TERB1: variants seen among roughly 807,000 people sequenced by gnomAD.
TERB1 encodes the protein telomere repeat binding bouquet formation protein 1, also known as telomere repeats-binding bouquet formation protein 1.
Under a neutral mutation model 92.3 loss-of-function variants are expected in TERB1, and 63 were observed. The ratio of observed to expected loss-of-function variants is 0.68; its 90% confidence interval spans 0.56 to 0.84. TERB1 has a LOEUF of 0.84. TERB1 is among the 40% of genes least tolerant of loss of function. The pLI is 0.00. For missense variants in TERB1, 709 were observed against 843.7 expected, an observed-to-expected ratio of 0.84 and a Z score of 1.98; for synonymous variants, 252 against 283.9, an observed-to-expected ratio of 0.89 and a Z score of 1.13.
chr16:66,782,595 A>C (rs2018655644), intron 9 of TERB1, among the ~76,000 whole-genome samples: 2 of 152,002 alleles, frequency 1.3e-5, no homozygotes, highest in South Asian at 4.1e-4. Flanking sequence ...CCTACACCAA[A>C]GCCACGCTTT....
At position 66,772,617 on chromosome 16, in the gene TERB1, A is replaced by G; in HGVS notation, c.1244T>C (p.Ile415Thr). 7 of 1,551,626 alleles carry G rather than the reference A, an allele frequency of 4.5e-6. No homozygotes were observed. Among genetic ancestry groups the G allele is most frequent in the Non-Finnish European group, 6.1e-6 (7 of 1,146,894 alleles). Residue 415 changes from isoleucine (I) to threonine (T), a missense_variant, in exon 13 of 19, where the codon ATA (isoleucine) becomes ACA (threonine). Ile to Thr is a moderately conservative substitution (Grantham distance 89, BLOSUM62 -1). Transcript: ENST00000433154. ...ATTTCCTTCTCTTTCAAGCTGTTCT[A>G]TTCTGTGTAGAATTTCCTTTGCTTT... Reference protein sequence around the residue: ...WRKAKEILHRIEQLEREGNEE... With the variant: ...WRKAKEILHRTEQLEREGNEE...
chr16:66,762,607 C>T (rs2018271068), intron 16 of TERB1, among the ~76,000 whole-genome samples: 1 of 152,016 alleles, frequency 6.6e-6, no homozygotes, highest in Non-Finnish European at 1.5e-5. Flanking sequence ...TGGTCTCAAA[C>T]TCCTGGGCTT....
intron 17 of TERB1, 105 bp from the exon 18 acceptor site, chr16:66,758,943 C>G: frequency 2.1e-6 from 2 of 954,588 alleles, no homozygotes; most frequent in Non-Finnish European, 3.2e-6. Context: ...AGTGGGAATA[C>G]TTAGATAGAT....
chr16:66,793,604 C>T (rs962325555), intron 3 of TERB1, among the ~76,000 whole-genome samples: 21 of 152,002 alleles, frequency 1.4e-4, no homozygotes, highest in Admixed American at 3.3e-4. Flanking sequence ...CTCTGCCTCC[C>T]GGGCTCAAGC....
chr16:66,768,056 C>A, intron 15 of TERB1, 48 bp downstream of exon 15: 1 of 1,417,558 alleles, frequency 7.1e-7, no homozygotes, highest in South Asian at 1.2e-5. Context: ...TATTGGTTAC[C>A]TAAATATCTG....
chr16:66,795,120 T>A (rs4783738), intron 3 of TERB1, among the ~76,000 whole-genome samples: 76,720 of 151,690 alleles, frequency 0.51, 20,229 homozygotes, highest in African/African-American at 0.64. Flanking sequence ...AAAGTGCAAT[T>A]CTAAAATCAC....
intron 16 of TERB1, among the ~76,000 whole-genome samples, chr16:66,760,138 A>C (rs2018209657): frequency 8.6e-6 from 1 of 116,320 alleles, no homozygotes; most frequent in Admixed American, 9.1e-5. Context: ...CTCAAAAAAA[A>C]AAAAAAAAAA....
intron 9 of TERB1, among the ~76,000 whole-genome samples, chr16:66,785,378 A>G (rs2018711170): frequency 6.6e-6 from 1 of 152,106 alleles, no homozygotes; most frequent in African/African-American, 2.4e-5. Flanking sequence ...AGTTAGAAAC[A>G]TTTTATAATT....
Position 66,786,034 on chromosome 16 carries a change from C to T in TERB1, c.557G>A (p.Cys186Tyr). Residue 186 changes from cysteine to tyrosine, a missense_variant, in exon 8 of 19, where the codon TGT (cysteine) becomes TAT (tyrosine). By Grantham distance (194) the Cys-to-Tyr change is radical. Transcript: ENST00000433154. ...ATTACCATTTTGAGGATTGTTGACA[C>T]AGACACACAGAGTACTACACACTGA... ...WSSVCSTLCVCVNNPQNDENQ... is the reference protein window; with the variant it reads ...WSSVCSTLCVYVNNPQNDENQ... The T allele has an allele frequency of 6.5e-7, 1 of 1,548,902 alleles. No homozygotes were observed. Among genetic ancestry groups the T allele is most frequent in the African/African-American group, 1.4e-5 (1 of 73,042 alleles).
At chr16:66,786,346 A>G in intron 6 of TERB1, 61 bp from the exon 7 acceptor site, 1 of 1,131,838 alleles carries the variant, frequency 8.8e-7, no homozygotes, top group Admixed American at 2.5e-5. Context: ...GCAGAAATGA[A>G]GAACAGTTAA....
At position 66,754,897 on chromosome 16, in the gene TERB1, T is replaced by TTAGAAAAA. The variant is rs1407525418; in HGVS notation, c.*71_*78dup. On this transcript the variant is annotated 3_prime_UTR_variant, in exon 19 of 19. Coordinates refer to ENST00000433154, the MANE Select transcript of TERB1 (RefSeq NM_001136505.2). ...TTTCCACATTCCTTCTCATGAGAGT[T>TTAGAAAAA]TAGAAAAATACTTTAAATGTATCTT... The TTAGAAAAA allele has an allele frequency of 2.1e-4, 274 of 1,298,890 alleles. No homozygotes were observed. The highest frequency in any genetic ancestry group is 2.7e-4 in the Non-Finnish European group (254 of 943,240). The allele number at this position is 1,298,890 out of a possible 1,614,324, so 80.5% of individuals were successfully genotyped here. A position where few individuals can be genotyped will look rare whatever the true frequency, so the allele number is the denominator to read the frequency against.
intron 16 of TERB1, among the ~76,000 whole-genome samples, chr16:66,765,882 T>G (rs1486104350): frequency 7.3e-5 from 7 of 96,490 alleles, no homozygotes; most frequent in African/African-American, 2.7e-4. Flanking sequence ...TTTTTTTTTT[T>G]GAGACGGAGT....
At chr16:66,785,989 A>G (rs774344696) in intron 8 of TERB1, 25 bp downstream of exon 8, 109 of 1,529,132 alleles carry the variant, frequency 7.1e-5, no homozygotes, top group Non-Finnish European at 7.8e-5. Context: ...CTTTATTTTT[A>G]TATTTAAACA....
At chr16:66,790,470 CTAGA>C in intron 5 of TERB1, 121 bp downstream of exon 5, 1 of 617,708 alleles carries the variant, frequency 1.6e-6, no homozygotes, top group Non-Finnish European at 2.6e-6. Flanking sequence ...GGGAAGGAGG[CTAGA>C]TAAAATTATT....
At chr16:66,786,766 A>G (rs1174503014) in intron 6 of TERB1, among the ~76,000 whole-genome samples, 1 of 152,156 alleles carries the variant, frequency 6.6e-6, no homozygotes, top group Non-Finnish European at 1.5e-5. Flanking sequence ...CAATAATAGC[A>G]GAGGACTAGA....
At chr16:66,796,952 A>AAAT in intron 2 of TERB1, 122 bp from the exon 3 acceptor site, 1 of 551,454 alleles carries the variant, frequency 1.8e-6, no homozygotes, top group Middle Eastern at 4.8e-4. Flanking sequence ...ACAACTTTTA[A>AAAT]AATAATAATT....
chr16:66,776,820 A>G (rs1210948830), intron 11 of TERB1, among the ~76,000 whole-genome samples: 1 of 152,218 alleles, frequency 6.6e-6, no homozygotes, highest in Non-Finnish European at 1.5e-5. Context: ...ACAGAATCAG[A>G]TTTGTGCAGC....
intron 3 of TERB1, 52 bp from the exon 4 acceptor site, chr16:66,791,071 T>C (rs2145230528): frequency 9.9e-7 from 1 of 1,014,562 alleles, no homozygotes; most frequent in Admixed American, 2.8e-5. Flanking sequence ...TTTCATAAAC[T>C]AACCATTCAA....
chr16:66,758,339 C>T, intron 18 of TERB1: 1 of 166,250 alleles, frequency 6.0e-6, no homozygotes, highest in Non-Finnish European at 1.3e-5. Flanking sequence ...AGGTCTGACC[C>T]TCATCAGAGG....
Sources: allele counts gnomAD v4.1 joint callset (sites outside exome capture counted in the v4.1 genomes callset), GRCh38; gene constraint gnomAD v4.1.1; transcripts MANE v1.5; gene names NCBI Gene and HGNC (gene_info 2026-07-23, HGNC 2026-07-21).